The following GRIP1 variants were observed in gnomAD, a reference collection of about 807,000 sequenced individuals.
GRIP1 encodes the protein glutamate receptor interacting protein 1.
Under a neutral mutation model 129.9 loss-of-function variants are expected in GRIP1, and 45 were observed. The observed-to-expected ratio is 0.35, with a 90% CI of 0.27 to 0.44. GRIP1 has a LOEUF of 0.44. GRIP1 is among the 20% of genes least tolerant of loss of function. GRIP1 has a pLI of 1.00. For missense variants in GRIP1, 1,196 were observed against 1,396.8 expected (o/e 0.86, Z 2.29); for synonymous variants, 530 against 520.8 (o/e 1.02, Z -0.24).
chr12:66,818,894 T>C (rs554810095), intron 1 of GRIP1, among the ~76,000 whole-genome samples: 1 of 152,240 alleles, frequency 6.6e-6, no homozygotes, highest in East Asian at 1.9e-4. Context: ...TGAGTAAAAA[T>C]AGAGAAGAGC....
chr12:66,797,084 G>C (rs2038720087), intron 1 of GRIP1, among the ~76,000 whole-genome samples: 1 of 152,138 alleles, frequency 6.6e-6, no homozygotes, highest in Non-Finnish European at 1.5e-5. Context: ...TAGTGAGATA[G>C]TGGGGTAGAA....
At chr12:66,570,104 C>CATGTATGT (rs58598900) in intron 2 of GRIP1, among the ~76,000 whole-genome samples, 7 of 150,716 alleles carry the variant, frequency 4.6e-5, no homozygotes, top group Non-Finnish European at 7.4e-5. Context: ...GTAGGCATTG[C>CATGTATGT]ATGTATGTAT....
rs1435183765 is a variant in GRIP1 at position 66,440,992 on chromosome 12, T to C, written c.1687+3592A>G. Among the ~76,000 whole-genome samples, 4 of 152,340 alleles carry C rather than the reference T, an allele frequency of 2.6e-5. No homozygotes were observed. In the South Asian group the frequency reaches 8.3e-4, roughly 32 times the overall value. ...GTCTCTTTCATCCATTCAGTGCATT[T>C]TTCCGGCCAAACTCTCTTCCAAAAT... On this transcript the variant is annotated intron_variant, in intron 13 of 24. Transcript: ENST00000359742.
intron 1 of GRIP1, among the ~76,000 whole-genome samples, chr12:66,809,697 T>C (rs867127851): frequency 1.3e-5 from 2 of 151,630 alleles, no homozygotes; most frequent in Non-Finnish European, 2.9e-5. Flanking sequence ...TCTTGGTGTG[T>C]TGCCCAGGCT....
intron 1 of GRIP1, among the ~76,000 whole-genome samples, chr12:66,602,610 C>T (rs1209114085): frequency 1.3e-5 from 2 of 152,038 alleles, no homozygotes; most frequent in Non-Finnish European, 2.9e-5. Flanking sequence ...TAAGTTTACA[C>T]CAGAAGATTA....
intron 1 of GRIP1, among the ~76,000 whole-genome samples, chr12:67,050,267 C>T (rs2043321684): frequency 6.6e-6 from 1 of 151,978 alleles, no homozygotes; most frequent in Non-Finnish European, 1.5e-5. Flanking sequence ...CTCAGAAATT[C>T]CTTCTTTGCC....
chr12:67,040,460 T>C (rs1459866026), intron 1 of GRIP1, among the ~76,000 whole-genome samples: 3 of 152,194 alleles, frequency 2.0e-5, no homozygotes, highest in African/African-American at 7.2e-5. Context: ...ATCACTGTAG[T>C]GGAAATAAGC....
chr12:66,525,654 A>C lies in GRIP1; in HGVS notation c.502+4177T>G, dbSNP rs199666441. Among the ~76,000 whole-genome samples, 691 of 149,878 alleles carry C rather than the reference A, an allele frequency of 4.6e-3. 3 individuals are homozygous for C. Among genetic ancestry groups the C allele is most frequent in the East Asian group, 0.03 (136 of 4,536 alleles). ...GATGCCCTCTCTCACCACTCCTATT[A>C]AACGTAGTGTTGGAAGTTCTGGCCA... On this transcript the variant is annotated intron_variant, in intron 5 of 24. Transcript: ENST00000359742.
intron 1 of GRIP1, among the ~76,000 whole-genome samples, chr12:66,851,445 C>T (rs994943965): frequency 2.6e-5 from 4 of 152,114 alleles, no homozygotes; most frequent in Non-Finnish European, 5.9e-5. Flanking sequence ...ATTACAATTA[C>T]ATTTGAAATT....
intron 1 of GRIP1, among the ~76,000 whole-genome samples, chr12:66,863,409 T>A (rs1304138826): frequency 3.0e-4 from 45 of 152,112 alleles, no homozygotes; most frequent in Non-Finnish European, 1.8e-4. Flanking sequence ...TAATAACTTG[T>A]AAGAAGCAAG....
At chr12:67,022,114 G>C (rs965695571) in intron 1 of GRIP1, among the ~76,000 whole-genome samples, 1 of 152,086 alleles carries the variant, frequency 6.6e-6, no homozygotes, top group Non-Finnish European at 1.5e-5. Context: ...CAATCAACAT[G>C]GGAGTGTTCT....
chr12:66,400,788 T>G (rs2056959471), intron 16 of GRIP1, among the ~76,000 whole-genome samples: 1 of 152,330 alleles, frequency 6.6e-6, no homozygotes, highest in East Asian at 1.9e-4. Flanking sequence ...AAACTATATG[T>G]GATAGATTTG....
chr12:66,473,795 A>C (rs181533386), intron 7 of GRIP1, among the ~76,000 whole-genome samples: 1 of 152,316 alleles, frequency 6.6e-6, no homozygotes, highest in East Asian at 1.9e-4. Context: ...AACATCAATG[A>C]AAGGACGTCC....
chr12:66,466,527 T>C (rs2059290879), intron 7 of GRIP1, among the ~76,000 whole-genome samples: 1 of 152,232 alleles, frequency 6.6e-6, no homozygotes, highest in South Asian at 2.1e-4. Context: ...TCACAATATT[T>C]GTGTCATGGT....
At chr12:66,979,683 A>G (rs1409420330) in intron 1 of GRIP1, among the ~76,000 whole-genome samples, 1 of 152,224 alleles carries the variant, frequency 6.6e-6, no homozygotes, top group Non-Finnish European at 1.5e-5. Context: ...TTGCAGATGT[A>G]ATCAAGTTAA....
At chr12:66,807,912 C>A (rs2039027091), upstream of GRIP1, among the ~76,000 whole-genome samples, 1 of 151,548 alleles carries the variant, frequency 6.6e-6, no homozygotes, top group African/African-American at 2.4e-5. Context: ...TTTTTCCCAT[C>A]TTCTGCACTA....
At chr12:67,047,446 T>G (rs1297066967) in intron 1 of GRIP1, among the ~76,000 whole-genome samples, 1 of 152,140 alleles carries the variant, frequency 6.6e-6, no homozygotes, top group Non-Finnish European at 1.5e-5. Context: ...GAGGTCAATA[T>G]GTATACAATT....
At chr12:67,032,472 A>C (rs1420976222) in intron 1 of GRIP1, among the ~76,000 whole-genome samples, 2 of 152,222 alleles carry the variant, frequency 1.3e-5, no homozygotes, top group African/African-American at 2.4e-5. Context: ...AAATCAAATT[A>C]ACCTAAAAGG....
chr12:66,869,246 A>G (rs2137146900), intron 1 of GRIP1, among the ~76,000 whole-genome samples: 1 of 152,116 alleles, frequency 6.6e-6, no homozygotes, highest in South Asian at 2.1e-4. Context: ...TCACCACATA[A>G]GTAAGCACCA....
Sources: allele counts gnomAD v4.1 joint callset (sites outside exome capture counted in the v4.1 genomes callset), GRCh38; gene constraint gnomAD v4.1.1; transcripts MANE v1.5; gene names NCBI Gene and HGNC (gene_info 2026-07-23, HGNC 2026-07-21).